ZNF334: variants seen among roughly 807,000 people sequenced by gnomAD.
ZNF334 encodes zinc finger protein 334.
Under a neutral mutation model 12.4 loss-of-function variants are expected in ZNF334, and 14 were observed. The observed-to-expected ratio is 1.13, with a 90% confidence interval of 0.74 to 1.76. ZNF334 has a LOEUF of 1.76. Ranked by LOEUF, ZNF334 falls within the 40% of genes most tolerant of loss-of-function variation. ZNF334 has a pLI of 0.00. For synonymous variants in ZNF334, 273 were observed against 269.6 expected (o/e 1.01, Z -0.12); for missense variants, 797 against 804.5 (o/e 0.99, Z 0.11).
the ZNF334 span, chr20:46,481,415 G>T: frequency 6.6e-6 from 1 of 152,312 alleles, no homozygotes. Flanking sequence ...ACTGCTCAAC[G>T]ACTGACCCAA....
At chr20:46,464,275 T>C in the ZNF334 span, 1 of 553,672 alleles carries the variant, frequency 1.8e-6, no homozygotes, top group Non-Finnish European at 3.6e-6. Flanking sequence ...CTTCTCTTCT[T>C]TCTCCCGCCT....
the ZNF334 span, chr20:46,464,729 CT>C: frequency 2.1e-6 from 1 of 480,136 alleles, no homozygotes; most frequent in Non-Finnish European, 4.2e-6. Context: ...CTGATTCTCC[CT>C]TGGTCACTGC....
chr20:46,496,758 C>G (rs1324978622), downstream of ZNF334: 1 of 152,330 alleles, frequency 6.6e-6, no homozygotes, highest in African/African-American at 2.4e-5. Context: ...TGTGGCTGCT[C>G]TCCTTTCCCC....
intron 3 of ZNF334, 100 bp downstream of exon 3, chr20:46,504,514 C>G: frequency 7.0e-7 from 1 of 1,432,950 alleles, no homozygotes; most frequent in Non-Finnish European, 9.4e-7. Flanking sequence ...CTTCTTGCTC[C>G]CCTGATGCTC....
the ZNF334 span, chr20:46,464,388 A>G: frequency 2.0e-6 from 1 of 503,812 alleles, no homozygotes; most frequent in Non-Finnish European, 4.0e-6. Flanking sequence ...TTGTGAATAT[A>G]CTTGAGACAG....
At chr20:46,504,124 T>C in intron 4 of ZNF334, 90 bp downstream of exon 4, 1 of 872,774 alleles carries the variant, frequency 1.1e-6, no homozygotes, top group Non-Finnish European at 1.7e-6. Flanking sequence ...AAGAAATTCA[T>C]GAAAAACATT....
intron 2 of ZNF334, among the ~76,000 whole-genome samples, chr20:46,510,079 A>G (rs928620703): frequency 4.6e-5 from 7 of 152,342 alleles, no homozygotes; most frequent in African/African-American, 1.7e-4. Context: ...GAGTGGTAGG[A>G]ACTGAGAAGA....
chr20:46,502,884 G>C lies in ZNF334; in HGVS notation c.455C>G (p.Ala152Gly), dbSNP rs746798297. 3.1e-6 allele frequency: 5 copies of C among 1,613,182 alleles called. No individual in the cohort carries two copies. In the South Asian group the frequency reaches 3.3e-5, roughly 11 times the overall value. ...CTTTCTGTTTTCTTTGCTTTTCTTT[G>C]CAACAATTACTTCTGAATTAGTTTT... ...SLKTNSEVIV[A>G]KKSKENRKIP... is the part of the protein sequence containing the mutation. The change falls in exon 5 of 5, where the codon GCA (alanine) becomes GGA (glycine). Residue 152 changes from alanine (A) to glycine (G), a missense_variant. Physicochemically the swap from Ala to Gly is moderately conservative, Grantham distance 60. Coordinates refer to ENST00000692313, the MANE Select transcript of ZNF334 (RefSeq NM_001353824.2).
At chr20:46,494,151 T>C in the ZNF334 span, among the ~76,000 whole-genome samples, 1 of 152,372 alleles carries the variant, frequency 6.6e-6, no homozygotes, top group African/African-American at 2.4e-5. Flanking sequence ...ATGCTAACAC[T>C]AGCATGTAAT....
At chr20:46,510,326 G>A (rs1448157661) in intron 2 of ZNF334, among the ~76,000 whole-genome samples, 1 of 152,150 alleles carries the variant, frequency 6.6e-6, no homozygotes, top group Non-Finnish European at 1.5e-5. Context: ...ACTGAGGCAG[G>A]AGAGGAGGAG....
chr20:46,504,554 G>GT, intron 3 of ZNF334, 60 bp downstream of exon 3: 1 of 1,524,802 alleles, frequency 6.6e-7, no homozygotes, highest in South Asian at 1.3e-5. Flanking sequence ...AAATCAACAT[G>GT]TTTTTGTAAC....
chr20:46,463,850 C>A, the ZNF334 span: 1 of 406,790 alleles, frequency 2.5e-6, no homozygotes. Context: ...GGGACTGCTG[C>A]TGTCTGAGGT....
At chr20:46,470,684 C>A in the ZNF334 span, among the ~76,000 whole-genome samples, 19 of 152,312 alleles carry the variant, frequency 1.2e-4, no homozygotes, top group African/African-American at 1.9e-4. Context: ...TCTGTAAACA[C>A]TCTATTTTAG....
chr20:46,512,070 T>C lies in ZNF334; in HGVS notation c.21+12A>G, dbSNP rs377692581. 39 of 1,613,456 alleles carry C rather than the reference T, an allele frequency of 2.4e-5. No individual in the cohort carries two copies. Among genetic ancestry groups the C allele is most frequent in the Non-Finnish European group, 3.2e-5 (38 of 1,179,554 alleles). ...CTGTATAATGTGAGAAGTAAATCCC[T>C]GAGCAACTTACCTGAAATTTTTTCA... is the stretch of plus-strand genomic sequence containing the variant. On this transcript the variant is annotated intron_variant, in intron 2 of 4. Transcript: ENST00000692313.
chr20:46,502,088 T>C lies in ZNF334; in HGVS notation c.1251A>G (p.Gln417=), dbSNP rs759022397. ...CSECEKTFFC[Q]SALNVHRRSH... ...TTCTTCGATGCACATTGAGGGCAGA[T>C]TGACAAAAGAAGGTTTTCTCACATT... The change falls in exon 5 of 5, where the codon CAA becomes CAG. Residue 417 remains glutamine (Q), a synonymous_variant. Transcript: ENST00000692313. 30 of 1,614,096 alleles carry C rather than the reference T, an allele frequency of 1.9e-5. No homozygotes were observed. The highest frequency in any genetic ancestry group is 1.0e-4 in the Admixed American group (6 of 60,008).
chr20:46,480,369 G>A, the ZNF334 span, among the ~76,000 whole-genome samples: 1 of 152,124 alleles, frequency 6.6e-6, no homozygotes, highest in South Asian at 2.1e-4. Context: ...TCACTGATGG[G>A]CCATGGGAAA....
At chr20:46,477,920 A>G in the ZNF334 span, among the ~76,000 whole-genome samples, 1 of 152,356 alleles carries the variant, frequency 6.6e-6, no homozygotes, top group African/African-American at 2.4e-5. Flanking sequence ...TGGGCTACAA[A>G]TGATGGTAGA....
At chr20:46,474,145 T>G in the ZNF334 span, among the ~76,000 whole-genome samples, 2 of 151,942 alleles carry the variant, frequency 1.3e-5, no homozygotes, top group African/African-American at 4.8e-5. Context: ...GAGGCTGAGG[T>G]GGGTGGATCA....
intron 2 of ZNF334, among the ~76,000 whole-genome samples, chr20:46,510,068 A>C (rs981383855): frequency 1.3e-5 from 2 of 152,226 alleles, no homozygotes; most frequent in Non-Finnish European, 2.9e-5. Flanking sequence ...TGAAAGGTCC[A>C]GAGTGGTAGG....
Sources: gnomAD v4.1 joint callset for allele counts (sites outside exome capture counted in the v4.1 genomes callset) on GRCh38, gnomAD v4.1.1 for gene constraint, MANE v1.5 for transcripts, NCBI Gene and HGNC (gene_info 2026-07-23, HGNC 2026-07-21) for gene names.